SNTB1: variants seen among roughly 807,000 people sequenced by gnomAD.
SNTB1 encodes the protein syntrophin beta 1.
Under a neutral mutation model 48.9 loss-of-function variants are expected in SNTB1, and 36 were observed. The observed-to-expected ratio is 0.74, with a 90% CI of 0.56 to 0.97. The LOEUF (loss-of-function observed/expected upper bound fraction) is 0.97, where lower values mean the gene tolerates loss of function less well. Among genes scored for constraint, SNTB1 ranks in the 50% least tolerant of loss-of-function variants. The probability of loss-of-function intolerance (pLI) is 0.00; values close to 1 mark genes in which losing one functional copy is unlikely to be tolerated. For synonymous variants in SNTB1, 299 were observed against 294.6 expected (o/e 1.01, Z -0.15); for missense variants, 786 against 703.4 (o/e 1.12, Z -1.33).
At chr8:120,592,029 A>G (rs1816246793) in intron 3 of SNTB1, among the ~76,000 whole-genome samples, 1 of 152,242 alleles carries the variant, frequency 6.6e-6, no homozygotes, top group Non-Finnish European at 1.5e-5. Flanking sequence ...TATGATAGTC[A>G]CTAATTATAT....
At chr8:120,708,122 A>T (rs572006207) in intron 1 of SNTB1, among the ~76,000 whole-genome samples, 3 of 151,862 alleles carry the variant, frequency 2.0e-5, no homozygotes, top group Non-Finnish European at 4.4e-5. Flanking sequence ...ATAATAAATA[A>T]TCTCTAAAAC....
At chr8:120,740,425 T>C (rs1002449823) in intron 1 of SNTB1, among the ~76,000 whole-genome samples, 1 of 152,186 alleles carries the variant, frequency 6.6e-6, no homozygotes, top group Non-Finnish European at 1.5e-5. Context: ...TTACGGAGCA[T>C]TTCCATGTGT....
chr8:120,801,713 C>T (rs1286417378), intron 1 of SNTB1, among the ~76,000 whole-genome samples: 1 of 152,060 alleles, frequency 6.6e-6, no homozygotes, highest in East Asian at 1.9e-4. Flanking sequence ...CTTAAAATCC[C>T]TGGAGACTTG....
intron 2 of SNTB1, among the ~76,000 whole-genome samples, chr8:120,669,640 G>A (rs1361637684): frequency 1.2e-4 from 8 of 64,168 alleles, no homozygotes; most frequent in African/African-American, 4.6e-4. Context: ...TTTTAGTAGA[G>A]ACGGGGTTTC....
intron 1 of SNTB1, among the ~76,000 whole-genome samples, chr8:120,735,623 A>T (rs1428880272): frequency 6.6e-6 from 1 of 152,224 alleles, no homozygotes; most frequent in Admixed American, 6.5e-5. Flanking sequence ...AAGACCCAGG[A>T]AGAAGGCAGC....
intron 3 of SNTB1, among the ~76,000 whole-genome samples, chr8:120,585,825 T>A (rs1816130606): frequency 6.6e-6 from 1 of 152,226 alleles, no homozygotes. Context: ...CTGTGCAGTT[T>A]AAAATCAAAC....
chr8:120,550,626 G>A (rs1815466130), intron 4 of SNTB1, among the ~76,000 whole-genome samples: 2 of 151,510 alleles, frequency 1.3e-5, no homozygotes, highest in African/African-American at 4.8e-5. Flanking sequence ...GAAGGGAAAT[G>A]ACTGCTGGCA....
chr8:120,713,644 C>T (rs1487947434), intron 1 of SNTB1, among the ~76,000 whole-genome samples: 1 of 152,132 alleles, frequency 6.6e-6, no homozygotes, highest in African/African-American at 2.4e-5. Flanking sequence ...GCAGAAGAAT[C>T]GCTTGAACCT....
chr8:120,809,821 T>C (rs190917876), intron 1 of SNTB1, among the ~76,000 whole-genome samples: 284 of 152,236 alleles, frequency 1.9e-3, no homozygotes, highest in Non-Finnish European at 9.0e-4. Flanking sequence ...AGGGTGGCAA[T>C]TGACTATGAA....
At chr8:120,701,811 G>A (rs1818313612) in intron 1 of SNTB1, among the ~76,000 whole-genome samples, 1 of 152,238 alleles carries the variant, frequency 6.6e-6, no homozygotes, top group South Asian at 2.1e-4. Flanking sequence ...GAAGTCATAG[G>A]ACGTTCTTGG....
At chr8:120,609,626 C>T (rs1358324940) in intron 3 of SNTB1, among the ~76,000 whole-genome samples, 1 of 152,114 alleles carries the variant, frequency 6.6e-6, no homozygotes, top group African/African-American at 2.4e-5. Context: ...ATTGAAAAAA[C>T]AAATGGAAAA....
intron 3 of SNTB1, among the ~76,000 whole-genome samples, chr8:120,587,059 A>G (rs1334036984): frequency 6.6e-6 from 1 of 152,122 alleles, no homozygotes; most frequent in Admixed American, 6.5e-5. Context: ...TGTCTCTACT[A>G]AAAATACAAA....
intron 1 of SNTB1, among the ~76,000 whole-genome samples, chr8:120,740,558 G>A (rs566910017): frequency 6.6e-6 from 1 of 152,104 alleles, no homozygotes; most frequent in African/African-American, 2.4e-5. Context: ...AAAGAAAAAA[G>A]AGGTGGGGAA....
chr8:120,621,672 G>C (rs55852722), intron 3 of SNTB1, among the ~76,000 whole-genome samples: 19,212 of 152,154 alleles, frequency 0.13, 1,629 homozygotes, highest in South Asian at 0.2. Context: ...AAGCTTTTCA[G>C]AACAGAAGGA....
chr8:120,611,634 A>G (rs1180217975), intron 3 of SNTB1, among the ~76,000 whole-genome samples: 1 of 151,954 alleles, frequency 6.6e-6, no homozygotes, highest in East Asian at 1.9e-4. Flanking sequence ...CATCCTGGCT[A>G]ACACGGTGAA....
intron 2 of SNTB1, among the ~76,000 whole-genome samples, chr8:120,647,144 G>GT: frequency 7.3e-6 from 1 of 137,190 alleles, no homozygotes; most frequent in East Asian, 2.1e-4. Context: ...TTTTTGAAGG[G>GT]TTTTTTGTGT....
At chr8:120,780,616 G>A (rs1819816599) in intron 1 of SNTB1, among the ~76,000 whole-genome samples, 1 of 152,128 alleles carries the variant, frequency 6.6e-6, no homozygotes. Context: ...AAACAGTAAT[G>A]GTTTCAACTC....
intron 3 of SNTB1, among the ~76,000 whole-genome samples, chr8:120,619,982 GA>G (rs2130740345): frequency 6.6e-6 from 1 of 152,312 alleles, no homozygotes; most frequent in Non-Finnish European, 1.5e-5. Flanking sequence ...TTAAAGAATA[GA>G]ATATTGGATC....
At chr8:120,716,648 T>G (rs573669366) in intron 1 of SNTB1, among the ~76,000 whole-genome samples, 3 of 152,126 alleles carry the variant, frequency 2.0e-5, no homozygotes, top group Non-Finnish European at 4.4e-5. Flanking sequence ...AAGCAGTGAG[T>G]TCCCTCTCCT....
Sources: allele counts gnomAD v4.1 joint callset (sites outside exome capture counted in the v4.1 genomes callset), GRCh38; gene constraint gnomAD v4.1.1; transcripts MANE v1.5; gene names NCBI Gene and HGNC (gene_info 2026-07-23, HGNC 2026-07-21).